Variants in CTNND2 observed in about 807,000 individuals in gnomAD.
CTNND2 encodes the protein catenin delta-2.
Under a neutral mutation model 144.4 loss-of-function variants are expected in CTNND2, and 22 were observed. That is an observed-to-expected ratio of 0.15 (90% CI 0.11 to 0.22). The LOEUF is 0.22. Among genes scored for constraint, CTNND2 ranks in the 10% least tolerant of loss-of-function variants. The pLI is 1.00. For synonymous variants in CTNND2, 751 were observed against 695.6 expected (o/e 1.08, Z -1.25); for missense variants, 1,353 against 1,618.8 (o/e 0.84, Z 2.82).
At chr5:11,472,736 T>G (rs960766751) in intron 3 of CTNND2, among the ~76,000 whole-genome samples, 2 of 152,232 alleles carry the variant, frequency 1.3e-5, no homozygotes, top group Non-Finnish European at 2.9e-5. Flanking sequence ...ATATTGATTT[T>G]TATATTGCAG....
intron 16 of CTNND2, among the ~76,000 whole-genome samples, chr5:11,081,197 G>A (rs1484365801): frequency 2.7e-5 from 4 of 149,410 alleles, no homozygotes; most frequent in Non-Finnish European, 4.4e-5. Context: ...GGAGATGTTG[G>A]TGGAAGGGTG....
chr5:11,158,144 G>A (rs1432813231), intron 12 of CTNND2, among the ~76,000 whole-genome samples: 1 of 152,180 alleles, frequency 6.6e-6, no homozygotes, highest in Non-Finnish European at 1.5e-5. Context: ...TTCTACAATT[G>A]CTTCTGAGAC....
Position 11,300,660 on chromosome 5 carries a change from A to G in CTNND2, c.1628+45712T>C, listed in dbSNP as rs376730386. Among the ~76,000 whole-genome samples, 544 of 152,200 alleles carry G rather than the reference A, an allele frequency of 3.6e-3. 3 individuals carry two copies. Among genetic ancestry groups the G allele is most frequent in the African/African-American group, 0.013 (523 of 41,526 alleles). On this transcript the variant is annotated intron_variant, in intron 9 of 21. Transcript: ENST00000304623. ...TTTTAAGTGAAAGTATGTTCCAGGC[A>G]ATATTTGGAACTTATATACTTATAC...
chr5:11,467,964 C>T (rs895652677), intron 3 of CTNND2, among the ~76,000 whole-genome samples: 3 of 152,182 alleles, frequency 2.0e-5, no homozygotes, highest in Non-Finnish European at 4.4e-5. Flanking sequence ...TTAGAGATAT[C>T]GTACTGTTCT....
chr5:11,440,461 T>C (rs1398813703), intron 3 of CTNND2, among the ~76,000 whole-genome samples: 2 of 152,190 alleles, frequency 1.3e-5, no homozygotes, highest in South Asian at 2.1e-4. Flanking sequence ...CTTGAGAATA[T>C]TGGAATTCTT....
intron 1 of CTNND2, among the ~76,000 whole-genome samples, chr5:11,741,768 A>T (rs1581806272): frequency 6.7e-6 from 1 of 148,156 alleles, no homozygotes; most frequent in Non-Finnish European, 1.5e-5. Flanking sequence ...TTATATATAT[A>T]ATATATATTC....
intron 1 of CTNND2, among the ~76,000 whole-genome samples, chr5:11,814,415 G>A (rs1044837268): frequency 3.9e-5 from 6 of 152,332 alleles, no homozygotes; most frequent in African/African-American, 7.2e-5. Context: ...ACTGATGGAC[G>A]TATTAACACT....
At chr5:11,176,571 A>G (rs1388968898) in intron 11 of CTNND2, among the ~76,000 whole-genome samples, 1 of 152,152 alleles carries the variant, frequency 6.6e-6, no homozygotes, top group Non-Finnish European at 1.5e-5. Flanking sequence ...AGTTGAAAAC[A>G]AGATGAATTC....
At chr5:11,394,892 A>G (rs1298392559) in intron 6 of CTNND2, among the ~76,000 whole-genome samples, 1 of 152,206 alleles carries the variant, frequency 6.6e-6, no homozygotes, top group African/African-American at 2.4e-5. Context: ...CTTTAGAACT[A>G]CATAGTTTTT....
intron 7 of CTNND2, among the ~76,000 whole-genome samples, chr5:11,383,504 GA>G (rs1420937481): frequency 6.6e-6 from 1 of 152,206 alleles, no homozygotes; most frequent in Non-Finnish European, 1.5e-5. Context: ...CAGTGAGTGA[GA>G]GAATATTTTC....
chr5:11,585,822 G>A (rs759934464), intron 2 of CTNND2, among the ~76,000 whole-genome samples: 3 of 152,158 alleles, frequency 2.0e-5, no homozygotes, highest in Admixed American at 6.5e-5. Flanking sequence ...GAGGTGAGGC[G>A]TGTGTATACC....
chr5:11,084,086 C>T, intron 15 of CTNND2: 1 of 380,484 alleles, frequency 2.6e-6, no homozygotes, highest in Non-Finnish European at 3.7e-6. Flanking sequence ...ATCTCAAGCT[C>T]TAGGAAGCCT....
chr5:11,459,161 T>G (rs1389166401), intron 3 of CTNND2, among the ~76,000 whole-genome samples: 1 of 152,170 alleles, frequency 6.6e-6, no homozygotes, highest in East Asian at 1.9e-4. Context: ...TGACACCAAT[T>G]TAGTGGCTAT....
At chr5:11,479,767 T>A (rs1768074228) in intron 3 of CTNND2, among the ~76,000 whole-genome samples, 1 of 152,220 alleles carries the variant, frequency 6.6e-6, no homozygotes, top group Non-Finnish European at 1.5e-5. Flanking sequence ...TGAGCTTTTT[T>A]TTTTTCATAA....
chr5:11,122,557 T>G (rs1272857966), intron 12 of CTNND2, among the ~76,000 whole-genome samples: 1 of 151,972 alleles, frequency 6.6e-6, no homozygotes, highest in African/African-American at 2.4e-5. Flanking sequence ...CCTTGAGCCC[T>G]GGGTCCAGCC....
chr5:11,373,563 TAAAAGAGG>T (rs1345910296), intron 7 of CTNND2, among the ~76,000 whole-genome samples: 1 of 152,124 alleles, frequency 6.6e-6, no homozygotes, highest in African/African-American at 2.4e-5. Flanking sequence ...GGAGACTTTT[TAAAAGAGG>T]AATGATGCTG....
chr5:11,551,581 A>C (rs1056753878), intron 3 of CTNND2, among the ~76,000 whole-genome samples: 5 of 148,370 alleles, frequency 3.4e-5, no homozygotes, highest in African/African-American at 1.2e-4. Context: ...ACCACACCCA[A>C]CTATTTTTTT....
At chr5:11,463,549 G>A (rs983324494) in intron 3 of CTNND2, among the ~76,000 whole-genome samples, 2 of 152,232 alleles carry the variant, frequency 1.3e-5, no homozygotes, top group African/African-American at 4.8e-5. Context: ...AGAGGAAAAT[G>A]CTGCCTGCCA....
At chr5:11,287,922 T>G (rs573940894) in intron 9 of CTNND2, among the ~76,000 whole-genome samples, 227 of 152,344 alleles carry the variant, frequency 1.5e-3, no homozygotes, top group African/African-American at 5.1e-3. Context: ...ATTACCAATT[T>G]TCCTCAGCTG....
Sources: gnomAD v4.1 joint callset for allele counts (sites outside exome capture counted in the v4.1 genomes callset) on GRCh38, gnomAD v4.1.1 for gene constraint, MANE v1.5 for transcripts, NCBI Gene and HGNC (gene_info 2026-07-23, HGNC 2026-07-21) for gene names.